The following MYO5B variants were observed in gnomAD, a reference collection of about 807,000 sequenced individuals.
MYO5B encodes myosin VB.
Under a neutral mutation model 229.3 loss-of-function variants are expected in MYO5B, and 143 were observed. The ratio of observed to expected loss-of-function variants is 0.62; its 90% CI spans 0.54 to 0.72. The LOEUF is 0.72. MYO5B is among the 30% of genes least tolerant of loss of function. MYO5B has a pLI of 0.00. For synonymous variants in MYO5B, 918 were observed against 885.2 expected (o/e 1.04, Z -0.66); for missense variants, 2,321 against 2,331.0 (o/e 1.00, Z 0.09).
At chr18:50,094,357 G>C (rs1464382956) in intron 1 of MYO5B, among the ~76,000 whole-genome samples, 1 of 152,146 alleles carries the variant, frequency 6.6e-6, no homozygotes, top group East Asian at 1.9e-4. Flanking sequence ...ACTCTGAGCA[G>C]GTGGGCTTAG....
chr18:50,011,471 T>C (rs1007029408), intron 4 of MYO5B, among the ~76,000 whole-genome samples: 1 of 152,116 alleles, frequency 6.6e-6, no homozygotes, highest in Non-Finnish European at 1.5e-5. Context: ...AACTGCCCAC[T>C]GGACAACTAC....
At chr18:49,992,221 G>C in intron 6 of MYO5B, 67 bp downstream of exon 6, 1 of 1,598,270 alleles carries the variant, frequency 6.3e-7, no homozygotes, top group Non-Finnish European at 8.6e-7. Flanking sequence ...AGGGAGTGGG[G>C]CAGGGAGCAG....
intron 1 of MYO5B, among the ~76,000 whole-genome samples, chr18:50,104,434 A>G (rs891848442): frequency 1.3e-5 from 2 of 152,062 alleles, no homozygotes; most frequent in Non-Finnish European, 2.9e-5. Context: ...ATTTGTGGTC[A>G]TTAATTTATT....
intron 1 of MYO5B, among the ~76,000 whole-genome samples, chr18:50,160,795 A>G (rs1023902467): frequency 1.3e-5 from 2 of 152,034 alleles, no homozygotes; most frequent in South Asian, 4.1e-4. Flanking sequence ...TCCTCAGCAC[A>G]TATCAACTCC....
intron 25 of MYO5B, among the ~76,000 whole-genome samples, chr18:49,876,885 G>T (rs920745785): frequency 2.0e-5 from 3 of 152,176 alleles, no homozygotes; most frequent in African/African-American, 7.2e-5. Context: ...ATTGCTGATG[G>T]TCTCTTATTT....
At chr18:49,848,642 A>C (rs2024161296) in intron 32 of MYO5B, among the ~76,000 whole-genome samples, 1 of 152,206 alleles carries the variant, frequency 6.6e-6, no homozygotes, top group East Asian at 1.9e-4. Flanking sequence ...GGAACAGGGG[A>C]CAAGAACTGG....
intron 17 of MYO5B, among the ~76,000 whole-genome samples, chr18:49,916,844 C>T (rs1303588644): frequency 1.3e-5 from 2 of 152,254 alleles, no homozygotes; most frequent in African/African-American, 4.8e-5. Context: ...AACAAACCCT[C>T]AGAGATAAAA....
intron 5 of MYO5B, among the ~76,000 whole-genome samples, chr18:49,996,023 G>A (rs1249535507): frequency 6.6e-6 from 1 of 152,200 alleles, no homozygotes; most frequent in Non-Finnish European, 1.5e-5. Context: ...TTCTAAAGGA[G>A]AAGCTCGTTT....
chr18:49,908,564 C>T (rs2024925180), intron 18 of MYO5B, among the ~76,000 whole-genome samples: 2 of 152,172 alleles, frequency 1.3e-5, no homozygotes, highest in African/African-American at 4.8e-5. Flanking sequence ...GCAGCATCCC[C>T]TTTCGTGACA....
At chr18:49,985,786 A>G (rs935253892) in intron 7 of MYO5B, among the ~76,000 whole-genome samples, 7 of 152,194 alleles carry the variant, frequency 4.6e-5, no homozygotes, top group Non-Finnish European at 1.0e-4. Context: ...CTGAGCATGC[A>G]GGGCTGAAAC....
At chr18:50,093,220 AC>A (rs1385888919) in intron 1 of MYO5B, among the ~76,000 whole-genome samples, 17 of 149,374 alleles carry the variant, frequency 1.1e-4, no homozygotes, top group African/African-American at 3.8e-4. Flanking sequence ...ACACACACAC[AC>A]ACACAGAGAG....
At chr18:50,152,281 C>T (rs1446376413) in intron 1 of MYO5B, among the ~76,000 whole-genome samples, 1 of 152,204 alleles carries the variant, frequency 6.6e-6, no homozygotes, top group East Asian at 1.9e-4. Context: ...CACAGAATTT[C>T]ATAGGTTTCC....
chr18:49,974,280 G>T, intron 10 of MYO5B, 70 bp downstream of exon 10: 2 of 1,605,578 alleles, frequency 1.2e-6, no homozygotes, highest in South Asian at 2.2e-5. Flanking sequence ...CAATGCCCCT[G>T]CTGGCTGTAA....
At position 49,858,795 on chromosome 18, in the gene MYO5B, C is replaced by G. The variant is rs118017426; in HGVS notation, c.3945-1905G>C. ...CCCACAGTGCTCAGGAAATCAGACA[C>G]ACGAGTAAACTAAAAACCAGTCAAC... is the stretch of plus-strand genomic sequence containing the variant. On this transcript the variant is annotated intron_variant, in intron 29 of 39. Coordinates refer to ENST00000285039, the MANE Select transcript of MYO5B (RefSeq NM_001080467.3). Among the ~76,000 whole-genome samples the G allele has an allele frequency of 3.7e-4, 56 of 152,318 alleles. 2 individuals are homozygous for G. In the East Asian group the frequency reaches 9.7e-3, roughly 26 times the overall value.
chr18:50,193,395 C>T (rs1000994051), intron 1 of MYO5B, among the ~76,000 whole-genome samples: 4 of 152,386 alleles, frequency 2.6e-5, no homozygotes, highest in East Asian at 1.9e-4. Flanking sequence ...TGACAGCCTC[C>T]GCGGCCACCT....
At chr18:49,832,084 G>A (rs765998641) in intron 39 of MYO5B, among the ~76,000 whole-genome samples, 5 of 152,150 alleles carry the variant, frequency 3.3e-5, no homozygotes, top group Non-Finnish European at 5.9e-5. Context: ...GCCCAAATGG[G>A]TAGTGTTTCT....
At chr18:49,912,247 G>T in intron 17 of MYO5B, 74 bp from the exon 18 acceptor site, 1 of 1,080,594 alleles carries the variant, frequency 9.3e-7, no homozygotes, top group South Asian at 1.2e-5. Context: ...CGTGACCTCA[G>T]ACAGTTCCCT....
chr18:49,903,752 A>T (rs1347259260), intron 20 of MYO5B, among the ~76,000 whole-genome samples: 1 of 152,264 alleles, frequency 6.6e-6, no homozygotes, highest in African/African-American at 2.4e-5. Flanking sequence ...TCGTGTTTCA[A>T]GTCAGCTCTG....
chr18:49,947,888 A>T (rs1043048852), intron 14 of MYO5B, among the ~76,000 whole-genome samples: 1 of 152,178 alleles, frequency 6.6e-6, no homozygotes, highest in African/African-American at 2.4e-5. Context: ...TTGGCAGTTT[A>T]AAAAAAGTCA....
Sources: gnomAD v4.1 joint callset for allele counts (sites outside exome capture counted in the v4.1 genomes callset) on GRCh38, gnomAD v4.1.1 for gene constraint, MANE v1.5 for transcripts, NCBI Gene and HGNC (gene_info 2026-07-23, HGNC 2026-07-21) for gene names.